Variants in SH3GL2 observed in about 807,000 individuals in gnomAD.
The protein encoded by SH3GL2 is SH3 domain containing GRB2 like 2, endophilin A1.
Under a neutral mutation model 46.0 loss-of-function variants are expected in SH3GL2, and 24 were observed. The ratio of observed to expected loss-of-function variants is 0.52; its 90% CI spans 0.38 to 0.73. The LOEUF (loss-of-function observed/expected upper bound fraction) is 0.73. SH3GL2 is among the 30% of genes least tolerant of loss of function. The pLI, the probability that SH3GL2 is intolerant of heterozygous loss-of-function variation, is 0.00. For missense variants in SH3GL2, 413 were observed against 424.2 expected (o/e 0.97, Z 0.23); for synonymous variants, 196 against 147.1 (o/e 1.33, Z -2.40).
intron 1 of SH3GL2, among the ~76,000 whole-genome samples, chr9:17,652,728 T>G (rs1340183817): frequency 6.6e-6 from 1 of 152,190 alleles, no homozygotes; most frequent in Non-Finnish European, 1.5e-5. Flanking sequence ...GTTCAGATTT[T>G]CAGATTACAG....
intron 6 of SH3GL2, among the ~76,000 whole-genome samples, chr9:17,790,555 G>A (rs1034677365): frequency 6.6e-6 from 1 of 152,134 alleles, no homozygotes; most frequent in African/African-American, 2.4e-5. Flanking sequence ...AAATCACAGT[G>A]CTCCTTCCCT....
intron 1 of SH3GL2, among the ~76,000 whole-genome samples, chr9:17,588,191 A>G (rs528297357): frequency 6.6e-6 from 1 of 152,258 alleles, no homozygotes; most frequent in African/African-American, 2.4e-5. Context: ...ATGGTTTTCA[A>G]GGTTGCCAAA....
chr9:17,672,053 A>T (rs1820488484), intron 1 of SH3GL2, among the ~76,000 whole-genome samples: 1 of 152,180 alleles, frequency 6.6e-6, no homozygotes, highest in Admixed American at 6.5e-5. Flanking sequence ...GTGTTACATG[A>T]AACTAAATTG....
At chr9:17,579,748 C>A (rs1220650260) in intron 1 of SH3GL2, among the ~76,000 whole-genome samples, 1 of 152,144 alleles carries the variant, frequency 6.6e-6, no homozygotes, top group Non-Finnish European at 1.5e-5. Context: ...GGGCGGAGGC[C>A]GGCGGTTTGC....
chr9:17,727,276 A>G lies in SH3GL2; in HGVS notation c.46-19790A>G, dbSNP rs552989874. On this transcript the variant is annotated intron_variant, in intron 1 of 8. Coordinates refer to ENST00000380607, the MANE Select transcript of SH3GL2 (RefSeq NM_003026.5). ...TACAGCAAATAAGTTTTTGTTGTTTATGGATACCATAGCACAGGTGTCAAC... is the reference window on the plus strand; with the variant it reads ...TACAGCAAATAAGTTTTTGTTGTTTGTGGATACCATAGCACAGGTGTCAAC... Among the ~76,000 whole-genome samples, 5 of 152,292 alleles carry G rather than the reference A, an allele frequency of 3.3e-5. No homozygotes were observed. The East Asian group carries it at 9.7e-4, about 29-fold the overall frequency.
intron 1 of SH3GL2, among the ~76,000 whole-genome samples, chr9:17,615,429 G>T (rs1818965881): frequency 6.6e-6 from 1 of 152,062 alleles, no homozygotes; most frequent in Non-Finnish European, 1.5e-5. Flanking sequence ...GGCCGAGGTG[G>T]GCGGATCACG....
intron 1 of SH3GL2, among the ~76,000 whole-genome samples, chr9:17,729,702 A>T (rs930659647): frequency 6.6e-6 from 1 of 152,208 alleles, no homozygotes; most frequent in African/African-American, 2.4e-5. Flanking sequence ...TCCCAACACC[A>T]TTGACTAAAT....
chr9:17,695,867 G>A lies in SH3GL2; in HGVS notation c.46-51199G>A, dbSNP rs151246508. ...TATCTGAGGAACATGGGTAGGGAAT[G>A]TTGGGGTCATTTCTTAGCTCTGACC... On this transcript the variant is annotated intron_variant, in intron 1 of 8. Transcript: ENST00000380607. 2.1e-3 allele frequency among the ~76,000 whole-genome samples: 314 copies of A among 152,256 alleles called. 2 individuals carry two copies. Among genetic ancestry groups the A allele is most frequent in the African/African-American group, 7.3e-3 (302 of 41,552 alleles).
chr9:17,705,199 C>A (rs1821440392), intron 1 of SH3GL2, among the ~76,000 whole-genome samples: 1 of 152,062 alleles, frequency 6.6e-6, no homozygotes, highest in Non-Finnish European at 1.5e-5. Context: ...GAGATACTAT[C>A]TCACACCAGT....
At chr9:17,784,373 A>T (rs1197545533) in intron 3 of SH3GL2, among the ~76,000 whole-genome samples, 1 of 152,172 alleles carries the variant, frequency 6.6e-6, no homozygotes, top group African/African-American at 2.4e-5. Context: ...TTATAAAAGG[A>T]ATGCATCCTT....
At chr9:17,732,240 T>C (rs1822206655) in intron 1 of SH3GL2, among the ~76,000 whole-genome samples, 1 of 152,124 alleles carries the variant, frequency 6.6e-6, no homozygotes, top group African/African-American at 2.4e-5. Context: ...ATTACTCTTT[T>C]TTTCTGTAAC....
Position 17,641,634 on chromosome 9 carries a change from C to G in SH3GL2, c.45+62347C>G, listed in dbSNP as rs540850431. Reference sequence around the variant, plus strand: ...GGCCCCAGTGTGTGATGTTCCCCTCCCTGTGTCCATGTGTTCTCATTGTTC... The same window carrying G: ...GGCCCCAGTGTGTGATGTTCCCCTCGCTGTGTCCATGTGTTCTCATTGTTC... On this transcript the variant is annotated intron_variant, in intron 1 of 8. Coordinates refer to ENST00000380607, the MANE Select transcript of SH3GL2 (RefSeq NM_003026.5). Among the ~76,000 whole-genome samples the G allele has an allele frequency of 3.9e-5, 6 of 152,258 alleles. No individual in the cohort carries two copies. In the East Asian group the frequency reaches 1.2e-3, roughly 29 times the overall value.
rs183153610 is a variant in SH3GL2 at position 17,721,651 on chromosome 9, A to G, written c.46-25415A>G. Among the ~76,000 whole-genome samples the G allele has an allele frequency of 3.3e-5, 5 of 152,142 alleles. No homozygotes were observed. In the East Asian group the frequency reaches 9.7e-4, roughly 30 times the overall value. ...AGTATATTTTTATGGGCAGCTATCT[A>G]TGCATGCACTTACCATACATGTTCC... On this transcript the variant is annotated intron_variant, in intron 1 of 8. Coordinates refer to ENST00000380607, the MANE Select transcript of SH3GL2 (RefSeq NM_003026.5).
chr9:17,606,026 A>T (rs1268560823), intron 1 of SH3GL2, among the ~76,000 whole-genome samples: 1 of 152,058 alleles, frequency 6.6e-6, no homozygotes, highest in Non-Finnish European at 1.5e-5. Flanking sequence ...TATTTTTTTC[A>T]AGTAGTCTCA....
At chr9:17,737,198 G>C (rs1353364933) in intron 1 of SH3GL2, among the ~76,000 whole-genome samples, 1 of 151,904 alleles carries the variant, frequency 6.6e-6, no homozygotes, top group Non-Finnish European at 1.5e-5. Context: ...ACTGGCGCCT[G>C]TCAGGGGGTG....
intron 1 of SH3GL2, among the ~76,000 whole-genome samples, chr9:17,603,041 GCA>G (rs1434096081): frequency 1.3e-5 from 2 of 152,232 alleles, no homozygotes; most frequent in Non-Finnish European, 2.9e-5. Context: ...TGCTGTGTGT[GCA>G]CATTCTGTGG....
At position 17,791,276 on chromosome 9, in the gene SH3GL2, G is replaced by C. The variant is rs1395631064; in HGVS notation, c.670G>C (p.Glu224Gln). Residue 224 changes from glutamate (E) to glutamine (Q), a missense_variant, in exon 7 of 9, where the codon GAG (glutamate) becomes CAG (glutamine). This residue lies in a region of SH3GL2 where 248 missense variants were observed against 215.0 expected (regional missense o/e 1.15). Coordinates refer to ENST00000380607, the MANE Select transcript of SH3GL2 (RefSeq NM_003026.5). ...CTCTGCACTTGTGCAAGCTCAGCTG[G>C]AGTACCACAAGCAGGCAGTCCAGAT... ...QLSALVQAQL[E>Q]YHKQAVQILQ... The C allele has an allele frequency of 5.0e-6, 8 of 1,613,662 alleles. No homozygotes were observed. The Admixed American group carries it at 8.3e-5, about 17-fold the overall frequency.
chr9:17,744,659 T>C (rs1822628911), intron 1 of SH3GL2, among the ~76,000 whole-genome samples: 1 of 152,174 alleles, frequency 6.6e-6, no homozygotes, highest in African/African-American at 2.4e-5. Flanking sequence ...TGAGCCACTG[T>C]GCCTGGCCTA....
chr9:17,686,683 G>T (rs946679832), intron 1 of SH3GL2, among the ~76,000 whole-genome samples: 2 of 144,542 alleles, frequency 1.4e-5, no homozygotes, highest in Non-Finnish European at 3.0e-5. Context: ...GTAAACTATC[G>T]CAAGAACAAA....
Sources: allele counts gnomAD v4.1 joint callset (sites outside exome capture counted in the v4.1 genomes callset), GRCh38; gene constraint gnomAD v4.1.1; regional missense constraint gnomAD v4.1.1; transcripts MANE v1.5; gene names NCBI Gene and HGNC (gene_info 2026-07-23, HGNC 2026-07-21).